Variants in NOMO1 observed in about 807,000 individuals in gnomAD.
NOMO1 encodes the protein NODAL modulator 1, also known as nodal modulator 3.
NOMO1 carries 40 observed loss-of-function variants against 133.8 expected under a neutral mutation model. That is an observed-to-expected ratio of 0.30 (90% CI 0.23 to 0.39). The LOEUF is 0.39. NOMO1 is among the 10% of genes least tolerant of loss of function. The pLI, the probability that NOMO1 is intolerant of heterozygous loss-of-function variation, is 1.00. For missense variants in NOMO1, 462 were observed against 1,419.9 expected, an observed-to-expected ratio of 0.33 and a Z score of 10.84; for synonymous variants, 236 against 570.5, an observed-to-expected ratio of 0.41 and a Z score of 8.36.
intron 5 of NOMO1, among the ~76,000 whole-genome samples, chr16:14,847,540 AATCATT>A (rs1261007434): frequency 1.5e-5 from 2 of 134,504 alleles, no homozygotes; most frequent in Non-Finnish European, 3.1e-5. Flanking sequence ...GATTAGAAAA[AATCATT>A]ATCATTATTA....
chr16:14,886,715 T>A (rs1964329195), intron 27 of NOMO1, 46 bp from the exon 28 acceptor site: 1 of 1,610,152 alleles, frequency 6.2e-7, no homozygotes, highest in South Asian at 1.1e-5. Context: ...GAAATATTGA[T>A]TGTGTTTCAG....
chr16:14,873,935 G>C (rs1964114852), intron 18 of NOMO1, among the ~76,000 whole-genome samples: 1 of 151,572 alleles, frequency 6.6e-6, no homozygotes, highest in South Asian at 2.1e-4. Context: ...TTGAACCCTA[G>C]GCCCAGCCAA....
chr16:14,848,403 TATC>T (rs1289797700), intron 5 of NOMO1: 2 of 126,338 alleles, frequency 1.6e-5, no homozygotes, highest in African/African-American at 6.2e-5. Context: ...ATTCAAAGCT[TATC>T]ATAGTTTACC....
intron 27 of NOMO1, among the ~76,000 whole-genome samples, chr16:14,885,231 T>C (rs1818760636): frequency 6.6e-6 from 1 of 151,928 alleles, no homozygotes. Context: ...GGGACAAATA[T>C]CCAAACAGTA....
Position 14,866,468 on chromosome 16 carries a change from T to C in NOMO1, c.1670-87T>C, listed in dbSNP as rs902439436. 296 of 1,608,366 alleles carry C rather than the reference T, an allele frequency of 1.8e-4. 4 individuals are homozygous for C. The highest frequency in any genetic ancestry group is 9.0e-4 in the Middle Eastern group (4 of 4,428). On this transcript the variant is annotated intron_variant, in intron 14 of 30. Coordinates refer to ENST00000287667, the MANE Select transcript of NOMO1 (RefSeq NM_014287.4). ...ATACACACCTGCTTTTTAAAATTGATTAATTCATGATCATTGTTTCTGGTG... is the reference window on the plus strand; with the variant it reads ...ATACACACCTGCTTTTTAAAATTGACTAATTCATGATCATTGTTTCTGGTG...
In NOMO1 at chr16:14,845,859, G is replaced by A. The variant is rs558112516; in HGVS notation, c.403-718G>A. Among the ~76,000 whole-genome samples, 71 of 151,070 alleles carry A rather than the reference G, an allele frequency of 4.7e-4. 1 individual carries two copies. Among genetic ancestry groups the A allele is most frequent in the Non-Finnish European group, 9.0e-4 (61 of 67,754 alleles). ...ATTTATTTTTTTGAGACAGAGTCTC[G>A]CTCTGTGGCCTAAGCTGGAGTGCAG... On this transcript the variant is annotated intron_variant, in intron 4 of 30. Coordinates refer to ENST00000287667, the MANE Select transcript of NOMO1 (RefSeq NM_014287.4).
At chr16:14,856,929 G>A (rs1353594049) in intron 9 of NOMO1, among the ~76,000 whole-genome samples, 1 of 151,986 alleles carries the variant, frequency 6.6e-6, no homozygotes, top group Admixed American at 6.6e-5. Context: ...CGGGGTAAGG[G>A]TGGGGGGCTT....
intron 4 of NOMO1, among the ~76,000 whole-genome samples, chr16:14,845,784 C>T (rs911614452): frequency 5.3e-5 from 8 of 151,028 alleles, no homozygotes; most frequent in Admixed American, 1.3e-4. Context: ...TTTTCTTTAT[C>T]GATGGTTTGC....
chr16:14,836,694 C>CTGATTT (rs1441454921), intron 1 of NOMO1, among the ~76,000 whole-genome samples: 347 of 131,106 alleles, frequency 2.6e-3, no homozygotes, highest in African/African-American at 8.5e-3. Context: ...TTCCATTTTA[C>CTGATTT]TTTTTTTTTT....
At chr16:14,857,381 A>G in intron 10 of NOMO1, 59 bp downstream of exon 10, 3 of 1,465,176 alleles carry the variant, frequency 2.0e-6, no homozygotes, top group East Asian at 2.4e-5. Context: ...TCACAGAGAG[A>G]AATGGAGAGG....
intron 27 of NOMO1, 99 bp downstream of exon 27, chr16:14,884,581 G>C: frequency 6.3e-7 from 1 of 1,574,884 alleles, no homozygotes; most frequent in Non-Finnish European, 8.7e-7. Flanking sequence ...TCGTGCCTTA[G>C]GTGTGACAGG....
At chr16:14,884,938 G>A (rs1964300253) in intron 27 of NOMO1, among the ~76,000 whole-genome samples, 1 of 152,046 alleles carries the variant, frequency 6.6e-6, no homozygotes, top group Non-Finnish European at 1.5e-5. Context: ...TCCTCGTTCT[G>A]TAGGTTGTAC....
chr16:14,864,794 G>A (rs1275473819), intron 13 of NOMO1, 68 bp downstream of exon 13: 1 of 1,612,832 alleles, frequency 6.2e-7, no homozygotes, highest in Non-Finnish European at 8.5e-7. Flanking sequence ...TGGGATTTGG[G>A]AAACTTTTCC....
At chr16:14,885,663 G>C (rs1335222666) in intron 27 of NOMO1, among the ~76,000 whole-genome samples, 1 of 151,646 alleles carries the variant, frequency 6.6e-6, no homozygotes. Context: ...TGGGTAGGGT[G>C]GGGGGCAAAC....
At chr16:14,855,667 A>G (rs1963823502) in intron 9 of NOMO1, among the ~76,000 whole-genome samples, 1 of 152,066 alleles carries the variant, frequency 6.6e-6, no homozygotes, top group Admixed American at 6.5e-5. Context: ...CTTGCAGAGA[A>G]GGATGGGGGC....
intron 1 of NOMO1, among the ~76,000 whole-genome samples, chr16:14,835,702 A>G (rs1318962596): frequency 3.3e-5 from 5 of 151,838 alleles, no homozygotes; most frequent in Non-Finnish European, 2.9e-5. Flanking sequence ...GATGTAGATT[A>G]CATTGCCATC....
intron 9 of NOMO1, among the ~76,000 whole-genome samples, chr16:14,856,103 T>C (rs1963830017): frequency 6.6e-6 from 1 of 152,086 alleles, no homozygotes; most frequent in Non-Finnish European, 1.5e-5. Context: ...CAGGAGTCAG[T>C]TATTGAGTGC....
intron 1 of NOMO1, among the ~76,000 whole-genome samples, chr16:14,836,337 C>G (rs1963508268): frequency 6.6e-6 from 1 of 152,068 alleles, no homozygotes; most frequent in Non-Finnish European, 1.5e-5. Flanking sequence ...ACTTTACATA[C>G]AGGCTTAACC....
intron 16 of NOMO1, among the ~76,000 whole-genome samples, chr16:14,869,240 C>T (rs1457778394): frequency 6.6e-6 from 1 of 151,828 alleles, no homozygotes; most frequent in Non-Finnish European, 1.5e-5. Flanking sequence ...ACCCAACCTT[C>T]TCTCTCTTTT....
Sources: allele counts gnomAD v4.1 joint callset (sites outside exome capture counted in the v4.1 genomes callset), GRCh38; gene constraint gnomAD v4.1.1; transcripts MANE v1.5; gene names NCBI Gene and HGNC (gene_info 2026-07-23, HGNC 2026-07-21).